The following SHISA9 variants were observed in gnomAD, a reference collection of about 807,000 sequenced individuals.
SHISA9 encodes shisa family member 9.
SHISA9 carries 13 observed loss-of-function variants against 38.0 expected under a neutral mutation model. That is an observed-to-expected ratio of 0.34 (90% CI 0.22 to 0.54). The LOEUF (loss-of-function observed/expected upper bound fraction) is 0.54. Ranked by LOEUF, SHISA9 falls within the 20% of genes least tolerant of loss-of-function variation. The pLI is 0.91. For synonymous variants in SHISA9, 275 were observed against 242.0 expected, an observed-to-expected ratio of 1.14 and a Z score of -1.27; for missense variants, 538 against 575.8, an observed-to-expected ratio of 0.93 and a Z score of 0.67.
the SHISA9 span, among the ~76,000 whole-genome samples, chr16:13,330,576 G>T: frequency 6.6e-6 from 1 of 152,170 alleles, no homozygotes; most frequent in Non-Finnish European, 1.5e-5. Context: ...TATTAATGGT[G>T]CATACTTCCA....
the SHISA9 span, among the ~76,000 whole-genome samples, chr16:13,303,367 T>C: frequency 6.6e-6 from 1 of 152,206 alleles, no homozygotes; most frequent in Admixed American, 6.5e-5. Flanking sequence ...AAATAAATTG[T>C]GTGATATAAA....
At chr16:13,345,549 A>G in the SHISA9 span, among the ~76,000 whole-genome samples, 2 of 152,178 alleles carry the variant, frequency 1.3e-5, no homozygotes, top group African/African-American at 4.8e-5. Flanking sequence ...GCTATTGTGA[A>G]TAGTGCTTCA....
intron 2 of SHISA9, among the ~76,000 whole-genome samples, chr16:13,092,854 C>T (rs767888664): frequency 1.4e-4 from 22 of 152,292 alleles, no homozygotes; most frequent in Non-Finnish European, 2.5e-4. Context: ...CCCAGTGAGA[C>T]GAACCAGGTA....
intron 2 of SHISA9, among the ~76,000 whole-genome samples, chr16:13,124,803 G>A (rs2050242423): frequency 6.6e-6 from 1 of 152,134 alleles, no homozygotes. Context: ...AGAGAACCCA[G>A]TAACAAATCC....
At chr16:13,283,479 G>A in the SHISA9 span, among the ~76,000 whole-genome samples, 1 of 152,092 alleles carries the variant, frequency 6.6e-6, no homozygotes, top group African/African-American at 2.4e-5. Context: ...CGTAGTGGAA[G>A]GCAAGAAGAA....
At chr16:13,136,396 C>CTTT (rs35122409) in intron 2 of SHISA9, among the ~76,000 whole-genome samples, 1,013 of 67,204 alleles carry the variant, frequency 0.015, 2 homozygotes, top group African/African-American at 0.016. Context: ...CAGTTTCCTT[C>CTTT]TTTTTTTTTT....
At chr16:13,264,276 G>C in the SHISA9 span, among the ~76,000 whole-genome samples, 3 of 150,836 alleles carry the variant, frequency 2.0e-5, no homozygotes, top group African/African-American at 7.3e-5. Context: ...CCAGGTTACA[G>C]TGTTTTTTGT....
chr16:13,506,954 G>T, the SHISA9 span, among the ~76,000 whole-genome samples: 1 of 151,978 alleles, frequency 6.6e-6, no homozygotes, highest in Non-Finnish European at 1.5e-5. Context: ...GAAGCAGGAG[G>T]ATCACTTGAG....
chr16:13,464,300 T>A, the SHISA9 span, among the ~76,000 whole-genome samples: 1 of 152,116 alleles, frequency 6.6e-6, no homozygotes, highest in Non-Finnish European at 1.5e-5. Flanking sequence ...GTTGGAGGAG[T>A]TTGAGAATCA....
chr16:13,131,494 G>A (rs551344169), intron 2 of SHISA9, among the ~76,000 whole-genome samples: 26 of 152,246 alleles, frequency 1.7e-4, no homozygotes, highest in African/African-American at 6.0e-4. Context: ...GAGAGCATCA[G>A]GAAGAATAGC....
At chr16:13,298,473 C>T in the SHISA9 span, among the ~76,000 whole-genome samples, 1 of 152,130 alleles carries the variant, frequency 6.6e-6, no homozygotes, top group Non-Finnish European at 1.5e-5. Flanking sequence ...TATCTCATTT[C>T]AATCATCACA....
chr16:13,336,870 C>A, the SHISA9 span, among the ~76,000 whole-genome samples: 7 of 152,098 alleles, frequency 4.6e-5, no homozygotes, highest in Non-Finnish European at 1.0e-4. Flanking sequence ...ACCTCCACAC[C>A]CCAAGAATCC....
chr16:12,942,630 G>A (rs932777204), intron 2 of SHISA9, among the ~76,000 whole-genome samples: 1 of 152,188 alleles, frequency 6.6e-6, no homozygotes, highest in African/African-American at 2.4e-5. Context: ...AGCTTTGCTG[G>A]TCCTAAGGAA....
At chr16:13,346,356 G>C in the SHISA9 span, among the ~76,000 whole-genome samples, 1 of 152,158 alleles carries the variant, frequency 6.6e-6, no homozygotes, top group Non-Finnish European at 1.5e-5. Flanking sequence ...AGCACCTGAT[G>C]GTCAAGGAAG....
chr16:13,023,138 T>A (rs12596651), intron 2 of SHISA9, among the ~76,000 whole-genome samples: 13,149 of 152,218 alleles, frequency 0.086, 664 homozygotes, highest in East Asian at 0.13. Flanking sequence ...TCATTTACAT[T>A]AGGTATTTCT....
chr16:13,166,270 T>C (rs1414790405), intron 2 of SHISA9, among the ~76,000 whole-genome samples: 1 of 152,242 alleles, frequency 6.6e-6, no homozygotes, highest in African/African-American at 2.4e-5. Context: ...TTTCTGTTTC[T>C]GGGCTTTGGC....
chr16:13,361,767 C>A, the SHISA9 span, among the ~76,000 whole-genome samples: 1 of 152,228 alleles, frequency 6.6e-6, no homozygotes, highest in African/African-American at 2.4e-5. Flanking sequence ...CAGAGATTTT[C>A]TTCCCTTTTG....
the SHISA9 span, among the ~76,000 whole-genome samples, chr16:13,384,195 A>C: frequency 6.6e-6 from 1 of 152,152 alleles, no homozygotes; most frequent in Admixed American, 6.5e-5. Flanking sequence ...AAGTTTCGAA[A>C]AATTCAGGAT....
intron 2 of SHISA9, among the ~76,000 whole-genome samples, chr16:12,918,860 C>T (rs927779094): frequency 6.6e-6 from 1 of 152,122 alleles, no homozygotes; most frequent in African/African-American, 2.4e-5. Flanking sequence ...CCAGGTTGAT[C>T]CAATTCTTCT....
Sources: allele counts gnomAD v4.1 joint callset (sites outside exome capture counted in the v4.1 genomes callset), GRCh38; gene constraint gnomAD v4.1.1; transcripts MANE v1.5; gene names NCBI Gene and HGNC (gene_info 2026-07-23, HGNC 2026-07-21).